Variants in TBC1D4 observed in about 807,000 individuals in gnomAD.
TBC1D4 encodes the protein TBC1 domain family member 4.
Under a neutral mutation model 142.5 loss-of-function variants are expected in TBC1D4, and 121 were observed. The ratio of observed to expected loss-of-function variants is 0.85; its 90% confidence interval spans 0.73 to 0.99. The LOEUF (loss-of-function observed/expected upper bound fraction) is 0.99. TBC1D4 is among the 50% of genes least tolerant of loss of function. The pLI, the probability that TBC1D4 is intolerant of heterozygous loss-of-function variation, is 0.00. For missense variants in TBC1D4, 1,475 were observed against 1,606.6 expected (o/e 0.92, Z 1.40); for synonymous variants, 630 against 628.2 (o/e 1.00, Z -0.04).
chr13:75,382,919 T>G (rs1883933545), intron 1 of TBC1D4, among the ~76,000 whole-genome samples: 1 of 152,266 alleles, frequency 6.6e-6, no homozygotes, highest in African/African-American at 2.4e-5. Context: ...ATCTGTTTAC[T>G]AGAAAGTTTA....
At chr13:75,455,418 T>TA (rs1011670015) in intron 1 of TBC1D4, among the ~76,000 whole-genome samples, 2 of 150,950 alleles carry the variant, frequency 1.3e-5, no homozygotes, top group African/African-American at 2.4e-5. Context: ...AATTGGAGTT[T>TA]AAAAAAAAAG....
At chr13:75,367,153 A>G (rs1416256676) in intron 1 of TBC1D4, 1 of 173,364 alleles carries the variant, frequency 5.8e-6, no homozygotes, top group Non-Finnish European at 1.1e-5. Context: ...GGAAATACAC[A>G]GATTGTTTGG....
intron 1 of TBC1D4, among the ~76,000 whole-genome samples, chr13:75,452,016 A>C (rs1887553572): frequency 1.3e-5 from 2 of 151,948 alleles, no homozygotes; most frequent in Admixed American, 1.3e-4. Flanking sequence ...TAAGTGAGTA[A>C]ATTTCTTTTG....
intron 1 of TBC1D4, among the ~76,000 whole-genome samples, chr13:75,456,042 G>C (rs1158647338): frequency 2.6e-5 from 4 of 151,668 alleles, no homozygotes; most frequent in Non-Finnish European, 5.9e-5. Flanking sequence ...TGTTGCCCAG[G>C]CTGGCCTCAC....
chr13:75,385,816 T>C (rs1303628406), intron 1 of TBC1D4, among the ~76,000 whole-genome samples: 1 of 152,174 alleles, frequency 6.6e-6, no homozygotes, highest in Non-Finnish European at 1.5e-5. Flanking sequence ...TCTGCTAATT[T>C]ATTGAACCCA....
At chr13:75,291,747 C>T (rs1319181018) in intron 19 of TBC1D4, among the ~76,000 whole-genome samples, 14 of 152,190 alleles carry the variant, frequency 9.2e-5, no homozygotes, top group Admixed American at 2.0e-4. Flanking sequence ...AGCCTGTACT[C>T]CTGCCACGTG....
intron 1 of TBC1D4, among the ~76,000 whole-genome samples, chr13:75,373,868 C>T (rs1172332478): frequency 1.3e-5 from 2 of 152,176 alleles, no homozygotes; most frequent in Admixed American, 6.5e-5. Context: ...CCCTCCCCTT[C>T]TCTTGCATGG....
chr13:75,427,092 A>ATTT (rs34413653), intron 1 of TBC1D4, among the ~76,000 whole-genome samples: 1 of 142,686 alleles, frequency 7.0e-6, no homozygotes, highest in African/African-American at 2.6e-5. Flanking sequence ...AAATATAAAC[A>ATTT]TTTTTTTTTT....
chr13:75,448,131 CTACTT>C (rs1358497703), intron 1 of TBC1D4, among the ~76,000 whole-genome samples: 2 of 152,144 alleles, frequency 1.3e-5, no homozygotes, highest in Admixed American at 6.6e-5. Flanking sequence ...TCTACAGTGA[CTACTT>C]TAATCACTCT....
In TBC1D4 at chr13:75,331,962, T is replaced by A. The variant is rs76739393; in HGVS notation, c.1732-4136A>T. Reference sequence around the variant, plus strand: ...AAAAAGTGCAATCTGTTGCACACGGTACAAGCAAGACCTTGTTAGGTCGCA... The same window carrying A: ...AAAAAGTGCAATCTGTTGCACACGGAACAAGCAAGACCTTGTTAGGTCGCA... On this transcript the variant is annotated intron_variant, in intron 8 of 20. Transcript: ENST00000377636. Among the ~76,000 whole-genome samples the A allele has an allele frequency of 3.5e-3, 526 of 152,206 alleles. 6 individuals carry two copies. Among genetic ancestry groups the A allele is most frequent in the East Asian group, 0.027 (139 of 5,180 alleles).
At chr13:75,290,919 C>A (rs536235541) in intron 19 of TBC1D4, among the ~76,000 whole-genome samples, 4 of 152,274 alleles carry the variant, frequency 2.6e-5, no homozygotes, top group Admixed American at 6.5e-5. Flanking sequence ...TTTCTCTAAA[C>A]CCTATCGTCT....
At chr13:75,345,747 A>C (rs1349118535) in intron 5 of TBC1D4, among the ~76,000 whole-genome samples, 2 of 152,100 alleles carry the variant, frequency 1.3e-5, no homozygotes, top group East Asian at 3.9e-4. Flanking sequence ...CAAAAAAAAA[A>C]AAAAGATATT....
intron 1 of TBC1D4, among the ~76,000 whole-genome samples, chr13:75,398,391 G>A (rs1214698539): frequency 1.3e-5 from 2 of 152,214 alleles, no homozygotes; most frequent in African/African-American, 4.8e-5. Context: ...GAAATGGCTA[G>A]TGGGTCTGAA....
At chr13:75,332,153 C>T (rs1465661) in intron 8 of TBC1D4, among the ~76,000 whole-genome samples, 115,978 of 152,124 alleles carry the variant, frequency 0.76, 46,897 homozygotes, top group South Asian at 0.95. Context: ...TGCCAAGGTA[C>T]TAAATGGAGA....
At chr13:75,385,658 T>C (rs1163218310) in intron 1 of TBC1D4, among the ~76,000 whole-genome samples, 2 of 152,254 alleles carry the variant, frequency 1.3e-5, no homozygotes, top group Non-Finnish European at 2.9e-5. Flanking sequence ...TAGATAATAA[T>C]AGCTATCACT....
At chr13:75,326,061 C>T (rs1879220223) in intron 10 of TBC1D4, 136 bp downstream of exon 10, 2 of 999,926 alleles carry the variant, frequency 2.0e-6, no homozygotes, top group Non-Finnish European at 3.1e-6. Flanking sequence ...AATGAGGTAA[C>T]TTAATTTGTT....
intron 15 of TBC1D4, among the ~76,000 whole-genome samples, chr13:75,303,847 C>A (rs1876855344): frequency 2.0e-5 from 3 of 152,184 alleles, no homozygotes; most frequent in Admixed American, 2.0e-4. Context: ...CAGTTTCTTG[C>A]ACCTCCTGTT....
At chr13:75,356,316 G>A (rs1882045418) in intron 3 of TBC1D4, 65 bp from the exon 4 acceptor site, 1 of 1,119,068 alleles carries the variant, frequency 8.9e-7, no homozygotes, top group Non-Finnish European at 1.3e-6. Context: ...TCAACAATAT[G>A]GAAAGCAACA....
chr13:75,309,437 T>C (rs1038048877), intron 14 of TBC1D4, among the ~76,000 whole-genome samples: 1 of 152,158 alleles, frequency 6.6e-6, no homozygotes, highest in Non-Finnish European at 1.5e-5. Flanking sequence ...TTTGGCTTGA[T>C]AACAGATAAT....
Sources: gnomAD v4.1 joint callset for allele counts (sites outside exome capture counted in the v4.1 genomes callset) on GRCh38, gnomAD v4.1.1 for gene constraint, MANE v1.5 for transcripts, NCBI Gene and HGNC (gene_info 2026-07-23, HGNC 2026-07-21) for gene names.